The following GABPB2 variants were observed in gnomAD, a reference collection of about 807,000 sequenced individuals.
GABPB2 encodes GA binding protein transcription factor subunit beta 2.
Under a neutral mutation model 39.1 loss-of-function variants are expected in GABPB2, and 23 were observed. That is an observed-to-expected ratio of 0.59 (90% CI 0.42 to 0.83). The LOEUF (loss-of-function observed/expected upper bound fraction) is 0.83, where lower values mean the gene tolerates loss of function less well. Ranked by LOEUF, GABPB2 falls within the 40% of genes least tolerant of loss-of-function variation. The pLI, the probability that GABPB2 is intolerant of heterozygous loss-of-function variation, is 0.00. For missense variants in GABPB2, 467 were observed against 541.1 expected (o/e 0.86, Z 1.36); for synonymous variants, 184 against 199.3 (o/e 0.92, Z 0.65).
chr1:151,097,354 G>T (rs1302041105), intron 4 of GABPB2, among the ~76,000 whole-genome samples: 1 of 152,026 alleles, frequency 6.6e-6, no homozygotes, highest in Non-Finnish European at 1.5e-5. Context: ...TGTTGGCCTG[G>T]TCTGAAAAAA....
chr1:151,092,391 C>G (rs943248292), intron 3 of GABPB2, among the ~76,000 whole-genome samples: 2 of 151,152 alleles, frequency 1.3e-5, no homozygotes, highest in African/African-American at 4.9e-5. Flanking sequence ...AGGCGTGAGC[C>G]ACCGCACCCA....
intron 4 of GABPB2, among the ~76,000 whole-genome samples, chr1:151,096,335 A>C (rs1371298005): frequency 6.6e-6 from 1 of 151,978 alleles, no homozygotes; most frequent in Admixed American, 6.6e-5. Flanking sequence ...CTGAGGCAGG[A>C]ACCCTGGAGG....
rs587725489 is a variant in GABPB2, at chr1:151,084,825, CG to C, written c.1-3364del. ...TTGGGATTACAGGTGTGAGCCACCG[CG>C]CCCAGCCAGCTGTTCATTTTTAAAA... is the stretch of plus-strand genomic sequence containing the variant. On this transcript the variant is annotated intron_variant, in intron 1 of 8. Transcript: ENST00000368918. Among the ~76,000 whole-genome samples the C allele has an allele frequency of 1.8e-4, 28 of 152,024 alleles. No individual in the cohort carries two copies. The East Asian group carries it at 5.1e-3, about 27-fold the overall frequency.
At position 151,097,954 on chromosome 1, in the gene GABPB2, G is replaced by T; in HGVS notation, c.574G>T (p.Val192Phe). The change falls in exon 5 of 9, where the codon GTT becomes TTT. Residue 192 changes from valine (V) to phenylalanine (F), a missense_variant. Coordinates refer to ENST00000368918, the MANE Select transcript of GABPB2 (RefSeq NM_144618.3). ...ATTCATCTTCACGTCGGGTGAGGTTGTTAACCTCGCAAGCCTTATTTCTTC... is the reference window on the plus strand; with the variant it reads ...ATTCATCTTCACGTCGGGTGAGGTTTTTAACCTCGCAAGCCTTATTTCTTC... ...APFIFTSGEV[V>F]NLASLISSTN... The T allele has an allele frequency of 6.2e-7, 1 of 1,613,904 alleles. No individual in the cohort carries two copies. The highest frequency in any genetic ancestry group is 8.5e-7 in the Non-Finnish European group (1 of 1,179,846).
rs963762596 is a variant in GABPB2 at position 151,118,072 on chromosome 1, A to C, written c.1163A>C (p.Lys388Thr). The C allele has an allele frequency of 1.9e-6, 3 of 1,614,088 alleles. No individual in the cohort carries two copies. In the African/African-American group the frequency reaches 4.0e-5, roughly 22 times the overall value. ...KEQEAEQYRLKLEAIARQQPN... is the reference protein window; with the variant it reads ...KEQEAEQYRLTLEAIARQQPN... The stretch of plus-strand genomic sequence containing the variant: ...CAGGAAGCAGAACAGTACCGTCTTA[A>C]GCTGGAGGCCATAGCCCGACAGCAG... Residue 388 changes from lysine (K) to threonine (T), a missense_variant, in exon 9 of 9, where the codon AAG becomes ACG. Coordinates refer to ENST00000368918, the MANE Select transcript of GABPB2 (RefSeq NM_144618.3).
chr1:151,083,194 G>A (rs10788798), intron 1 of GABPB2, among the ~76,000 whole-genome samples: 124,674 of 152,152 alleles, frequency 0.82, 51,131 homozygotes, highest in East Asian at 0.91. Flanking sequence ...ATTATACAAT[G>A]TCAAAAAATC....
chr1:151,109,783 C>T (rs1680265009), intron 7 of GABPB2, among the ~76,000 whole-genome samples: 1 of 151,896 alleles, frequency 6.6e-6, no homozygotes, highest in Non-Finnish European at 1.5e-5. Context: ...AACCTTCTCA[C>T]CTCAGCCTCC....
Position 151,118,250 on chromosome 1 carries a change from A to G in GABPB2, c.1341A>G (p.Ser447=), listed in dbSNP as rs1029954385. The G allele has an allele frequency of 6.2e-6, 10 of 1,611,610 alleles. No individual in the cohort carries two copies. The highest frequency in any genetic ancestry group is 8.5e-6 in the Non-Finnish European group (10 of 1,178,204). The change falls in exon 9 of 9, where the codon TCA becomes TCG. Residue 447 remains serine (S), a synonymous_variant. Transcript: ENST00000368918. ...CTAGAGTTTCCATGGCAACTGTTTC[A>G]TCTTAATATGCAAGGGCCACAATTT... ...PHTRVSMATV[S]S
intron 7 of GABPB2, among the ~76,000 whole-genome samples, chr1:151,115,237 G>C (rs1680767832): frequency 6.6e-6 from 1 of 151,708 alleles, no homozygotes; most frequent in African/African-American, 2.4e-5. Context: ...GCACATGCCT[G>C]TAATCCCAGC....
At chr1:151,089,476 C>T (rs753315384) in intron 2 of GABPB2, among the ~76,000 whole-genome samples, 5 of 152,146 alleles carry the variant, frequency 3.3e-5, no homozygotes, top group Non-Finnish European at 7.3e-5. Context: ...GACAGACTTA[C>T]TTATTGCTGT....
intron 2 of GABPB2, chr1:151,088,593 T>TG (rs1678404002): frequency 4.4e-6 from 2 of 453,432 alleles, no homozygotes; most frequent in Admixed American, 4.2e-5. Flanking sequence ...GGAGTGTACT[T>TG]GGGTTATAGG....
chr1:151,091,055 T>C (rs1031294172), intron 3 of GABPB2, among the ~76,000 whole-genome samples: 3 of 151,626 alleles, frequency 2.0e-5, no homozygotes, highest in Non-Finnish European at 1.5e-5. Context: ...CCTTCATGGC[T>C]ATGAGGAGTC....
At chr1:151,072,417 C>T (rs587684631) in intron 1 of GABPB2, among the ~76,000 whole-genome samples, 9 of 152,166 alleles carry the variant, frequency 5.9e-5, no homozygotes, top group African/African-American at 2.2e-4. Flanking sequence ...ATCAGCTGGG[C>T]GTGGTAGTGC....
At chr1:151,109,212 A>T (rs893027555) in intron 7 of GABPB2, among the ~76,000 whole-genome samples, 1 of 151,268 alleles carries the variant, frequency 6.6e-6, no homozygotes, top group Non-Finnish European at 1.5e-5. Context: ...AAAAATGTAT[A>T]TTGGAGGTTG....
chr1:151,072,198 A>C (rs1676787246), intron 1 of GABPB2, among the ~76,000 whole-genome samples: 1 of 152,254 alleles, frequency 6.6e-6, no homozygotes, highest in Non-Finnish European at 1.5e-5. Context: ...TGGATAATAG[A>C]GTACTTTGTT....
At chr1:151,088,966 C>G (rs761603945) in intron 2 of GABPB2, among the ~76,000 whole-genome samples, 16 of 149,586 alleles carry the variant, frequency 1.1e-4, no homozygotes, top group Middle Eastern at 3.4e-3. Context: ...CACCATTGCA[C>G]TACAGCTTGG....
At chr1:151,113,481 A>G (rs1278455101) in intron 7 of GABPB2, among the ~76,000 whole-genome samples, 2 of 152,128 alleles carry the variant, frequency 1.3e-5, no homozygotes, top group East Asian at 3.9e-4. Context: ...AAAAAAAAAA[A>G]AAAAAAAATG....
chr1:151,071,428 C>A lies in GABPB2; in HGVS notation c.-1+494C>A, dbSNP rs587653622. On this transcript the variant is annotated intron_variant, in intron 1 of 8. Coordinates refer to ENST00000368918, the MANE Select transcript of GABPB2 (RefSeq NM_144618.3). Reference sequence around the variant, plus strand: ...CTCGGTAATCTGAATGAGAGCAGTACGGGCCCCGCCTCTGCTTTTTTGCTC... The same window carrying A: ...CTCGGTAATCTGAATGAGAGCAGTAAGGGCCCCGCCTCTGCTTTTTTGCTC... Among the ~76,000 whole-genome samples, 46 of 150,616 alleles carry A rather than the reference C, an allele frequency of 3.1e-4. No individual in the cohort carries two copies. In the East Asian group the frequency reaches 6.3e-3, roughly 21 times the overall value.
intron 7 of GABPB2, among the ~76,000 whole-genome samples, chr1:151,113,234 C>T (rs1338822633): frequency 6.6e-6 from 1 of 151,582 alleles, no homozygotes; most frequent in South Asian, 2.1e-4. Context: ...TTTGGGAGGC[C>T]GAGGTGGACA....
Sources: allele counts gnomAD v4.1 joint callset (sites outside exome capture counted in the v4.1 genomes callset), GRCh38; gene constraint gnomAD v4.1.1; transcripts MANE v1.5; gene names NCBI Gene and HGNC (gene_info 2026-07-23, HGNC 2026-07-21).